ERCC5: variants seen among roughly 807,000 people sequenced by gnomAD.
The protein encoded by ERCC5 is ERCC excision repair 5, endonuclease.
A neutral mutation model predicts 105.6 loss-of-function variants in ERCC5; 68 were observed. The ratio of observed to expected loss-of-function variants is 0.64; its 90% CI spans 0.53 to 0.79. The LOEUF is 0.79. ERCC5 is among the 30% of genes least tolerant of loss of function. The pLI is 0.00. For synonymous variants in ERCC5, 546 were observed against 526.2 expected (o/e 1.04, Z -0.51); for missense variants, 1,373 against 1,426.7 (o/e 0.96, Z 0.61).
In ERCC5 at chr13:102,875,770, C is replaced by G. The variant is rs376411022; in HGVS notation, c.3428C>G (p.Ala1143Gly). 1 of 1,613,998 alleles carries G rather than the reference C, an allele frequency of 6.2e-7. No individual in the cohort carries two copies. The highest frequency in any genetic ancestry group is 8.5e-7 in the Non-Finnish European group (1 of 1,180,008). The stretch of plus-strand genomic sequence containing the variant: ...GAAGCTCCCGTGAAGAATGGAGGTG[C>G]GACCACCAGCAGCTCTAGTGATAGT... ...VKEAPVKNGG[A>G]TTSSSSDSDD... Residue 1143 changes from alanine to glycine, a missense_variant, in exon 15 of 15, where the codon GCG (alanine) becomes GGG (glycine). Physicochemically the swap from Ala to Gly is moderately conservative, Grantham distance 60. Around this residue, in one of 3 missense-constraint regions of ERCC5, gnomAD observed 367 missense variants for 350.2 expected, o/e 1.05. Coordinates refer to ENST00000652225, the MANE Select transcript of ERCC5 (RefSeq NM_000123.4).
intron 5 of ERCC5, among the ~76,000 whole-genome samples, chr13:102,858,030 C>A (rs1367865637): frequency 6.6e-6 from 1 of 152,140 alleles, no homozygotes; most frequent in African/African-American, 2.4e-5. Flanking sequence ...AGAACAGTGC[C>A]TGGTGCCTTA....
Position 102,872,251 on chromosome 13 carries a change from A to G in ERCC5, c.2732A>G (p.Asp911Gly). ...CCAAAGATAAGACCTAATCCTCATG[A>G]CACCAAAGTGAAAAAAAAATTACGG... ...KNPKIRPNPH[D>G]TKVKKKLRTL... The change falls in exon 13 of 15, where the codon GAC becomes GGC. Residue 911 changes from aspartate to glycine, a missense_variant. Asp to Gly is a moderately conservative substitution (Grantham distance 94). This residue lies in a region of ERCC5 where 367 missense variants were observed against 350.2 expected (regional missense o/e 1.05). Transcript: ENST00000652225. 1 of 1,614,058 alleles carries G rather than the reference A, an allele frequency of 6.2e-7. No individual in the cohort carries two copies. Among genetic ancestry groups the G allele is most frequent in the Non-Finnish European group, 8.5e-7 (1 of 1,180,010 alleles).
At position 102,865,859 on chromosome 13, in the gene ERCC5, A is replaced by T. The variant is rs1426659723; in HGVS notation, c.2147A>T (p.Glu716Val). The change falls in exon 9 of 15, where the codon GAA (glutamate) becomes GTA (valine). Residue 716 changes from glutamate (E) to valine (V), a missense_variant. Glu to Val is a moderately radical substitution (Grantham distance 121). Transcript: ENST00000652225. The surrounding 1 kb of genome is among the most constrained non-coding windows in gnomAD (Gnocchi z 4.0). ...ERDDVDGEPQ[E>V]AEKDAEDSLH... is the part of the protein sequence containing the mutation. ...GACGACGTGGATGGTGAGCCACAGGAAGCTGAGAAAGATGCGGAAGATTCG... is the reference window on the plus strand; with the variant it reads ...GACGACGTGGATGGTGAGCCACAGGTAGCTGAGAAAGATGCGGAAGATTCG... 1 of 1,614,230 alleles carries T rather than the reference A, an allele frequency of 6.2e-7. No individual in the cohort carries two copies. The highest frequency in any genetic ancestry group is 1.1e-5 in the South Asian group (1 of 91,088).
At chr13:102,866,412 C>T (rs770506207) in intron 10 of ERCC5, 31 bp downstream of exon 10, 3 of 1,614,010 alleles carry the variant, frequency 1.9e-6, no homozygotes, top group East Asian at 2.2e-5. Context: ...TTTCCTTTAC[C>T]ACCTTCTTCA....
intron 12 of ERCC5, among the ~76,000 whole-genome samples, chr13:102,869,236 A>T (rs4150347): frequency 6.6e-6 from 1 of 152,170 alleles, no homozygotes; most frequent in Non-Finnish European, 1.5e-5. Context: ...GTTGTATTTT[A>T]TACTTTCTTC....
At chr13:102,846,481 G>A (rs560017968) in intron 1 of ERCC5, 127 bp downstream of exon 1, 32 of 819,586 alleles carry the variant, frequency 3.9e-5, no homozygotes, top group Middle Eastern at 3.4e-4. Context: ...GGTCGCTATA[G>A]AATCTCTGTC....
At chr13:102,856,740 A>T (rs931260280) in intron 5 of ERCC5, among the ~76,000 whole-genome samples, 11 of 152,328 alleles carry the variant, frequency 7.2e-5, no homozygotes, top group African/African-American at 2.6e-4. Context: ...CCTTGCTGCC[A>T]TGGGCGGTGG....
intron 12 of ERCC5, among the ~76,000 whole-genome samples, chr13:102,871,055 G>C (rs1244263426): frequency 1.3e-5 from 2 of 152,196 alleles, no homozygotes; most frequent in South Asian, 2.1e-4. Context: ...CTCAGGCCTG[G>C]TGGGGGTGTC....
At position 102,862,494 on chromosome 13, in the gene ERCC5, T is replaced by C. The variant is rs1434400004; in HGVS notation, c.1345T>C (p.Ser449Pro). 6 of 1,613,888 alleles carry C rather than the reference T, an allele frequency of 3.7e-6. No individual in the cohort carries two copies. The East Asian group carries it at 1.1e-4, about 30-fold the overall frequency. ...GIPFTATLAS[S>P]SVNSAEEHVA... Reference sequence around the variant, plus strand: ...ACCGTTTACTGCAACACTTGCGTCATCTAGTGTGAACTCTGCAGAGGAGCA... The same window carrying C: ...ACCGTTTACTGCAACACTTGCGTCACCTAGTGTGAACTCTGCAGAGGAGCA... Residue 449 changes from serine to proline, a missense_variant, in exon 8 of 15, where the codon TCT (serine) becomes CCT (proline). Physicochemically the swap from Ser to Pro is moderately conservative, Grantham distance 74. Transcript: ENST00000652225.
At chr13:102,871,346 A>T (rs1405064243) in intron 12 of ERCC5, among the ~76,000 whole-genome samples, 1 of 152,220 alleles carries the variant, frequency 6.6e-6, no homozygotes, top group Non-Finnish European at 1.5e-5. Context: ...AGGAGGGTCC[A>T]AGAGTGTGTC....
chr13:102,870,890 A>T (rs1883009196), intron 12 of ERCC5, among the ~76,000 whole-genome samples: 4 of 152,042 alleles, frequency 2.6e-5, no homozygotes, highest in Admixed American at 2.6e-4. Flanking sequence ...GAGTACATAG[A>T]TTGGTGAGGA....
intron 12 of ERCC5, among the ~76,000 whole-genome samples, chr13:102,871,468 C>T (rs565030359): frequency 6.6e-6 from 1 of 152,202 alleles, no homozygotes; most frequent in South Asian, 2.1e-4. Flanking sequence ...GCCTAGCACA[C>T]AGCGAAATAA....
In ERCC5 at chr13:102,875,598, G is replaced by C. The variant is rs1180157198; in HGVS notation, c.3256G>C (p.Gly1086Arg). 1.2e-6 allele frequency: 2 copies of C among 1,613,416 alleles called. No homozygotes were observed. Among genetic ancestry groups the C allele is most frequent in the East Asian group, 4.5e-5 (2 of 44,892 alleles). ...SDSKGKNTCG[G>R]FLGETCLSES... Reference sequence around the variant, plus strand: ...TTCTAAAGGAAAGAATACATGCGGTGGATTTTTGGGGGAGACCTGCCTCTC... The same window carrying C: ...TTCTAAAGGAAAGAATACATGCGGTCGATTTTTGGGGGAGACCTGCCTCTC... Residue 1086 changes from glycine to arginine, a missense_variant, in exon 15 of 15, where the codon GGA (glycine) becomes CGA (arginine). By Grantham distance (125) the Gly-to-Arg change is moderately radical. Coordinates refer to ENST00000652225, the MANE Select transcript of ERCC5 (RefSeq NM_000123.4).
At chr13:102,852,022 G>T (rs1267761507) in intron 1 of ERCC5, 96 bp from the exon 2 acceptor site, 1 of 1,334,240 alleles carries the variant, frequency 7.5e-7, no homozygotes, top group Non-Finnish European at 1.1e-6. Flanking sequence ...TAAGTATTTA[G>T]TGTTCAACGT....
At position 102,875,191 on chromosome 13, in the gene ERCC5, A is replaced by G. The variant is rs1883169622; in HGVS notation, c.2965-116A>G. 2.5e-6 allele frequency: 3 copies of G among 1,182,606 alleles called. 1 individual carries two copies. The highest frequency in any genetic ancestry group is 2.4e-6 in the Non-Finnish European group (2 of 839,408). The allele number at this position is 1,182,606 out of a possible 1,614,324, so 73.3% of individuals were successfully genotyped here. A position where few individuals can be genotyped will look rare whatever the true frequency, so the allele number is the denominator to read the frequency against. On this transcript the variant is annotated intron_variant, in intron 14 of 14. Coordinates refer to ENST00000652225, the MANE Select transcript of ERCC5 (RefSeq NM_000123.4). ...CTGGGTTTTGGGAGATAATGAATTA[A>G]TATTCTCTGACATAGTAATCCAATG...
Position 102,866,306 on chromosome 13 carries a change from T to C in ERCC5, c.2244T>C (p.Asn748=), listed in dbSNP as rs1882834796. The change falls in exon 10 of 15, where the codon AAT becomes AAC. Residue 748 remains asparagine (N), a synonymous_variant. Coordinates refer to ENST00000652225, the MANE Select transcript of ERCC5 (RefSeq NM_000123.4). The part of the protein sequence containing the change: ...TLESNLLAQQ[N]SLKAQKQQQE... ...AGAGCAACCTCTTAGCACAGCAGAATTCACTGAAAGCTCAAAAACAGCAGC... is the reference window on the plus strand; with the variant it reads ...AGAGCAACCTCTTAGCACAGCAGAACTCACTGAAAGCTCAAAAACAGCAGC... 6.2e-7 allele frequency: 1 copy of C among 1,614,078 alleles called. No individual in the cohort carries two copies. The highest frequency in any genetic ancestry group is 1.3e-5 in the African/African-American group (1 of 74,922).
Position 102,859,657 on chromosome 13 carries a change from C to G in ERCC5, c.672+1239C>G, listed in dbSNP as rs546235943. ...TTTTCTTTCTGCAACCATGAAGTCT[C>G]TGGAAGTGGTGGACTGTAGGGTGGT... is the stretch of plus-strand genomic sequence containing the variant. On this transcript the variant is annotated intron_variant, in intron 6 of 14. Coordinates refer to ENST00000652225, the MANE Select transcript of ERCC5 (RefSeq NM_000123.4). 2.0e-5 allele frequency among the ~76,000 whole-genome samples: 3 copies of G among 152,302 alleles called. No homozygotes were observed. The South Asian group carries it at 6.2e-4, about 32-fold the overall frequency.
chr13:102,862,781 G>A lies in ERCC5; in HGVS notation c.1632G>A (p.Glu544=), dbSNP rs2140528313. ...ATGAAACACATGCTGAAGTGCTTGA[G>A]CAGCAGAACGAACTTTGCCCATATG... The part of the protein sequence containing the change: ...SKNETHAEVL[E]QQNELCPYES... Residue 544 remains glutamate (E), a synonymous_variant, in exon 8 of 15, where the codon GAG becomes GAA. Coordinates refer to ENST00000652225, the MANE Select transcript of ERCC5 (RefSeq NM_000123.4). The A allele has an allele frequency of 1.2e-6, 2 of 1,614,228 alleles. No homozygotes were observed. The highest frequency in any genetic ancestry group is 2.2e-5 in the South Asian group (2 of 91,088).
rs562556885 is a variant in ERCC5 at position 102,858,761 on chromosome 13, A to G, written c.672+343A>G. ...CAGTGTCTAGCTCAGTATTTTTCAC[A>G]TGGTATGTGTCCAGTAGATGCTTAC... On this transcript the variant is annotated intron_variant, in intron 6 of 14. Coordinates refer to ENST00000652225, the MANE Select transcript of ERCC5 (RefSeq NM_000123.4). 5.8e-5 allele frequency: 23 copies of G among 399,990 alleles called. 1 individual carries two copies. The highest frequency in any genetic ancestry group is 1.4e-4 in the South Asian group (7 of 50,996). The allele number at this position is 399,990 out of a possible 1,614,324, so 24.8% of individuals were successfully genotyped here.
Sources: gnomAD v4.1 joint callset for allele counts (sites outside exome capture counted in the v4.1 genomes callset) on GRCh38, gnomAD v4.1.1 for gene constraint, gnomAD v4.1.1 regional missense constraint, Gnocchi (gnomAD v3.1) non-coding constraint, MANE v1.5 for transcripts, NCBI Gene and HGNC (gene_info 2026-07-23, HGNC 2026-07-21) for gene names.